Variants in MAGI3 observed in about 807,000 individuals in gnomAD.
The protein encoded by MAGI3 is membrane associated guanylate kinase, WW and PDZ domain containing 3.
Under a neutral mutation model 121.8 loss-of-function variants are expected in MAGI3, and 43 were observed. That is an observed-to-expected ratio of 0.35 (90% CI 0.28 to 0.46). The LOEUF is 0.46. Ranked by LOEUF, MAGI3 falls within the 20% of genes least tolerant of loss-of-function variation. The pLI is 1.00. For synonymous variants in MAGI3, 553 were observed against 639.3 expected, an observed-to-expected ratio of 0.86 and a Z score of 2.04; for missense variants, 1,547 against 1,797.3, an observed-to-expected ratio of 0.86 and a Z score of 2.52.
intron 2 of MAGI3, among the ~76,000 whole-genome samples, chr1:113,577,629 TATA>T (rs1647738057): frequency 6.6e-6 from 1 of 152,294 alleles, no homozygotes; most frequent in African/African-American, 2.4e-5. Flanking sequence ...AGTGAAAATT[TATA>T]ATACTTTGTA....
intron 1 of MAGI3, among the ~76,000 whole-genome samples, chr1:113,432,020 A>C (rs1375891888): frequency 6.6e-6 from 1 of 152,200 alleles, no homozygotes; most frequent in African/African-American, 2.4e-5. Context: ...CTAGTGAAGC[A>C]GAATATAGGC....
chr1:113,416,378 T>C (rs1210617662), intron 1 of MAGI3, among the ~76,000 whole-genome samples: 1 of 99,368 alleles, frequency 1.0e-5, no homozygotes, highest in Non-Finnish European at 1.9e-5. Context: ...TATTAATATA[T>C]TAATAATATA....
chr1:113,533,421 T>C (rs2101644467), intron 1 of MAGI3, among the ~76,000 whole-genome samples: 1 of 152,190 alleles, frequency 6.6e-6, no homozygotes, highest in South Asian at 2.1e-4. Flanking sequence ...CAATAGACCC[T>C]GGGGTCTCCT....
At chr1:113,558,874 GA>G (rs1428969228) in intron 2 of MAGI3, among the ~76,000 whole-genome samples, 2 of 152,148 alleles carry the variant, frequency 1.3e-5, no homozygotes, top group Non-Finnish European at 2.9e-5. Flanking sequence ...CCTCTCAGCA[GA>G]AACCCTGCAA....
intron 1 of MAGI3, among the ~76,000 whole-genome samples, chr1:113,428,343 T>C (rs1653123901): frequency 6.6e-6 from 1 of 152,240 alleles, no homozygotes; most frequent in Non-Finnish European, 1.5e-5. Context: ...GATTCATTTT[T>C]TCCCCATATG....
intron 1 of MAGI3, among the ~76,000 whole-genome samples, chr1:113,518,139 T>C (rs957855588): frequency 1.3e-5 from 2 of 152,166 alleles, no homozygotes; most frequent in African/African-American, 2.4e-5. Context: ...CTGTCTCCCC[T>C]TCTACTCCAC....
intron 16 of MAGI3, among the ~76,000 whole-genome samples, chr1:113,661,535 G>GA (rs1160184506): frequency 7.9e-5 from 12 of 151,572 alleles, no homozygotes; most frequent in Non-Finnish European, 2.9e-5. Context: ...AGATTGTTAG[G>GA]AAAAAAAACT....
chr1:113,683,328 C>A lies in MAGI3; in HGVS notation c.3760C>A (p.Gln1254Lys), dbSNP rs775694199. 6.8e-6 allele frequency: 11 copies of A among 1,613,830 alleles called. No individual in the cohort carries two copies. The highest frequency in any genetic ancestry group is 1.3e-5 in the African/African-American group (1 of 74,918). ...TAACCCCAAAAGAAGACCCAGAGATCAATCCCTCAGCCCCAGCAAAGGGGA... is the reference window on the plus strand; with the variant it reads ...TAACCCCAAAAGAAGACCCAGAGATAAATCCCTCAGCCCCAGCAAAGGGGA... ...KNNPKRRPRD[Q>K]SLSPSKGENK... Residue 1254 changes from glutamine to lysine, a missense_variant, in exon 21 of 21, where the codon CAA becomes AAA. Gln to Lys is a moderately conservative substitution (Grantham distance 53). Transcript: ENST00000307546.
At chr1:113,439,095 T>G (rs1366601683) in intron 1 of MAGI3, among the ~76,000 whole-genome samples, 1 of 152,136 alleles carries the variant, frequency 6.6e-6, no homozygotes, top group Non-Finnish European at 1.5e-5. Context: ...CCGTGACAGT[T>G]TATCTGATAA....
chr1:113,437,886 C>CTTCTTCTTCTTCTTCTTCTTCCTCTT (rs1214332097), intron 1 of MAGI3, among the ~76,000 whole-genome samples: 1 of 11,154 alleles, frequency 9.0e-5, no homozygotes, highest in Non-Finnish European at 1.5e-4. Flanking sequence ...TTCTCCTTCT[C>CTTCTTCTTCTTCTTCTTCTTCCTCTT]CTTCTCCTTC....
At chr1:113,583,104 A>G (rs2101723185) in intron 3 of MAGI3, among the ~76,000 whole-genome samples, 1 of 151,506 alleles carries the variant, frequency 6.6e-6, no homozygotes, top group South Asian at 2.1e-4. Flanking sequence ...ATTTACCAAC[A>G]TCTCAAGAAA....
At chr1:113,629,779 C>CCTCA (rs1651503042) in intron 9 of MAGI3, among the ~76,000 whole-genome samples, 1 of 142,366 alleles carries the variant, frequency 7.0e-6, no homozygotes, top group Non-Finnish European at 1.5e-5. Flanking sequence ...TCCCTCCCTC[C>CCTCA]CTCCCTCACT....
At chr1:113,495,493 C>T (rs954065327) in intron 1 of MAGI3, among the ~76,000 whole-genome samples, 4 of 151,892 alleles carry the variant, frequency 2.6e-5, no homozygotes, top group Admixed American at 2.0e-4. Context: ...AGTGTGTAGT[C>T]TTTTATCCCT....
intron 12 of MAGI3, among the ~76,000 whole-genome samples, chr1:113,647,289 G>A (rs1652905717): frequency 6.6e-6 from 1 of 152,196 alleles, no homozygotes. Context: ...GGCCAATGAT[G>A]CCCTTCCAAG....
At chr1:113,418,302 CT>C (rs1054927908) in intron 1 of MAGI3, among the ~76,000 whole-genome samples, 2 of 152,112 alleles carry the variant, frequency 1.3e-5, no homozygotes, top group African/African-American at 4.8e-5. Flanking sequence ...CCCCAACCCA[CT>C]TTTCCTGTTA....
At chr1:113,638,939 G>A (rs1315203551) in intron 9 of MAGI3, among the ~76,000 whole-genome samples, 21 of 152,216 alleles carry the variant, frequency 1.4e-4, no homozygotes, top group African/African-American at 3.1e-4. Context: ...GGGCAATGGC[G>A]GGCGCCCCTC....
chr1:113,646,304 G>A (rs1159376370), intron 11 of MAGI3, among the ~76,000 whole-genome samples, 182 bp from the exon 12 acceptor site: 1 of 151,994 alleles, frequency 6.6e-6, no homozygotes, highest in Non-Finnish European at 1.5e-5. Context: ...AGTTAAATAT[G>A]TTTCAACCAA....
intron 1 of MAGI3, among the ~76,000 whole-genome samples, chr1:113,409,114 C>T (rs1005316124): frequency 6.6e-6 from 1 of 151,144 alleles, no homozygotes; most frequent in African/African-American, 2.4e-5. Flanking sequence ...AAGAGTTTCT[C>T]TTTGGTGGAA....
At chr1:113,590,047 C>G (rs577538912) in intron 4 of MAGI3, among the ~76,000 whole-genome samples, 3 of 152,138 alleles carry the variant, frequency 2.0e-5, no homozygotes, top group African/African-American at 7.2e-5. Context: ...ACTAAGTTAA[C>G]TTAACCTCTC....
Sources: allele counts gnomAD v4.1 joint callset (sites outside exome capture counted in the v4.1 genomes callset), GRCh38; gene constraint gnomAD v4.1.1; transcripts MANE v1.5; gene names NCBI Gene and HGNC (gene_info 2026-07-23, HGNC 2026-07-21).